The following PCDHA4 variants were observed in gnomAD, a reference collection of about 807,000 sequenced individuals.
The protein encoded by PCDHA4 is protocadherin alpha-4.
Under a neutral mutation model 61.4 loss-of-function variants are expected in PCDHA4, and 49 were observed. That is an observed-to-expected ratio of 0.80 (90% CI 0.63 to 1.01). PCDHA4 has a LOEUF of 1.01. Among genes scored for constraint, PCDHA4 ranks in the 50% least tolerant of loss-of-function variants. The probability of loss-of-function intolerance (pLI) is 0.00; values close to 1 mark genes in which losing one functional copy is unlikely to be tolerated. For missense variants in PCDHA4, 1,254 were observed against 1,235.8 expected (o/e 1.01, Z -0.22); for synonymous variants, 590 against 550.3 (o/e 1.07, Z -1.01).
intron 1 of PCDHA4, among the ~76,000 whole-genome samples, chr5:140,913,572 TCAAA>T (rs150264547): frequency 6.6e-6 from 1 of 152,264 alleles, no homozygotes; most frequent in East Asian, 1.9e-4. Context: ...TTTCATCATT[TCAAA>T]TATATTTCTG....
intron 1 of PCDHA4, chr5:140,841,807 TG>T (rs2150323037): frequency 6.8e-6 from 11 of 1,613,820 alleles, no homozygotes; most frequent in Non-Finnish European, 9.3e-6. Flanking sequence ...ATGCAGATGT[TG>T]GAGCTAACTC....
intron 1 of PCDHA4, chr5:140,823,182 A>G (rs2150123254): frequency 2.1e-5 from 34 of 1,613,728 alleles, no homozygotes; most frequent in South Asian, 1.1e-4. Context: ...ACAACCCGCC[A>G]GGCTGCCACA....
At chr5:140,858,061 C>A (rs1554151115) in intron 1 of PCDHA4, 1 of 1,597,498 alleles carries the variant, frequency 6.3e-7, no homozygotes, top group South Asian at 1.1e-5. Context: ...TTGTGGAGGG[C>A]AGCCAGGCAC....
intron 1 of PCDHA4, chr5:140,883,864 G>A: frequency 6.2e-7 from 1 of 1,613,210 alleles, no homozygotes; most frequent in East Asian, 2.2e-5. Flanking sequence ...AGCTGTTGCA[G>A]TTCCAGGTGA....
intron 1 of PCDHA4, chr5:140,883,172 AT>A: frequency 1.2e-6 from 2 of 1,614,038 alleles, no homozygotes; most frequent in Non-Finnish European, 1.7e-6. Flanking sequence ...CAATGGAGAA[AT>A]TAGGACAAAA....
At chr5:140,854,330 T>A in intron 1 of PCDHA4, 1 of 213,708 alleles carries the variant, frequency 4.7e-6, no homozygotes, top group Non-Finnish European at 8.0e-6. Flanking sequence ...GCAAACTTAT[T>A]TTACGCTCCA....
intron 1 of PCDHA4, chr5:140,836,066 C>A (rs2150251751): frequency 2.5e-6 from 4 of 1,613,652 alleles, no homozygotes; most frequent in Admixed American, 3.3e-5. Context: ...AGAACGACAA[C>A]GCGCCGGCAC....
intron 1 of PCDHA4, chr5:140,969,237 C>T (rs1278018540): frequency 6.2e-7 from 1 of 1,614,156 alleles, no homozygotes; most frequent in African/African-American, 1.3e-5. Flanking sequence ...GGAGCCCAAG[C>T]AGCAGTGACT....
At chr5:140,978,798 G>T (rs1249216156) in intron 1 of PCDHA4, 151 bp from the exon 2 acceptor site, 2 of 1,477,414 alleles carry the variant, frequency 1.4e-6, no homozygotes, top group Admixed American at 2.3e-5. Context: ...TATATATGTA[G>T]ATATCATCAT....
intron 1 of PCDHA4, among the ~76,000 whole-genome samples, chr5:140,874,942 C>T (rs2055181968): frequency 6.6e-6 from 1 of 152,060 alleles, no homozygotes; most frequent in African/African-American, 2.4e-5. Context: ...ATTGAAACAG[C>T]GGAATTGTAA....
intron 1 of PCDHA4, among the ~76,000 whole-genome samples, chr5:140,955,134 C>T (rs868995724): frequency 3.3e-5 from 5 of 152,022 alleles, no homozygotes; most frequent in African/African-American, 1.2e-4. Context: ...CTGGTCTACA[C>T]GTCTGTTTTT....
chr5:140,960,316 G>A (rs1360755627), intron 1 of PCDHA4, among the ~76,000 whole-genome samples: 1 of 152,066 alleles, frequency 6.6e-6, no homozygotes, highest in African/African-American at 2.4e-5. Flanking sequence ...ACCTCATTAG[G>A]GTCCTGTGAG....
At chr5:140,839,740 A>T (rs1357885958) in intron 1 of PCDHA4, among the ~76,000 whole-genome samples, 1 of 152,020 alleles carries the variant, frequency 6.6e-6, no homozygotes, top group Non-Finnish European at 1.5e-5. Flanking sequence ...AAATACCCTT[A>T]TTTGCCTTTC....
chr5:140,883,693 C>T (rs2059756382), intron 1 of PCDHA4: 2 of 1,613,790 alleles, frequency 1.2e-6, no homozygotes, highest in Non-Finnish European at 1.7e-6. Flanking sequence ...GCCACATCTT[C>T]ACGGTGTCTG....
intron 1 of PCDHA4, chr5:140,829,525 T>G (rs2150169385): frequency 6.2e-7 from 1 of 1,613,356 alleles, no homozygotes; most frequent in East Asian, 2.2e-5. Context: ...TCACGGTGTC[T>G]GCGCGAGACG....
intron 3 of PCDHA4, among the ~76,000 whole-genome samples, chr5:140,988,486 T>C (rs2153874124): frequency 6.6e-6 from 1 of 152,286 alleles, no homozygotes; most frequent in South Asian, 2.1e-4. Context: ...TAGCATCCCC[T>C]ACCTAGGAGA....
chr5:140,898,246 A>G (rs377438166), intron 1 of PCDHA4, among the ~76,000 whole-genome samples: 49 of 152,286 alleles, frequency 3.2e-4, no homozygotes, highest in African/African-American at 1.1e-3. Context: ...TTGGTGTTTT[A>G]GACATGAAGT....
intron 1 of PCDHA4, chr5:140,966,642 GA>G (rs1563353190): frequency 3.1e-5 from 35 of 1,117,790 alleles, no homozygotes; most frequent in Non-Finnish European, 4.1e-5. Context: ...GCGCTTTCTA[GA>G]GCGTGAGCGG....
intron 1 of PCDHA4, among the ~76,000 whole-genome samples, chr5:140,940,564 T>C (rs1481591678): frequency 2.0e-5 from 3 of 152,228 alleles, no homozygotes; most frequent in Non-Finnish European, 4.4e-5. Flanking sequence ...TTCTCCTACC[T>C]TGGCTCCCAA....
Sources: gnomAD v4.1 joint callset for allele counts (sites outside exome capture counted in the v4.1 genomes callset) on GRCh38, gnomAD v4.1.1 for gene constraint, MANE v1.5 for transcripts, NCBI Gene and HGNC (gene_info 2026-07-23, HGNC 2026-07-21) for gene names.